The following DSPP variants were observed in gnomAD, a reference collection of about 807,000 sequenced individuals.
The protein encoded by DSPP is dentin sialophosphoprotein.
DSPP carries 28 observed loss-of-function variants against 29.1 expected under a neutral mutation model. That is an observed-to-expected ratio of 0.96 (90% CI 0.71 to 1.32). DSPP has a LOEUF of 1.32. Among genes scored for constraint, DSPP ranks in the 40% most tolerant of loss-of-function variants. The pLI, the probability that DSPP is intolerant of heterozygous loss-of-function variation, is 0.00. For synonymous variants in DSPP, 481 were observed against 503.4 expected (o/e 0.96, Z 0.60); for missense variants, 1,281 against 1,629.9 (o/e 0.79, Z 3.69).
chr4:87,610,627 T>C (rs1175124266), intron 1 of DSPP, among the ~76,000 whole-genome samples: 1 of 152,184 alleles, frequency 6.6e-6, no homozygotes, highest in Non-Finnish European at 1.5e-5. Context: ...GTTACAGCTA[T>C]GCCCTTTGTA....
At chr4:87,608,661 A>T (rs1171444516) in intron 1 of DSPP, 41 bp downstream of exon 1, 1 of 152,228 alleles carries the variant, frequency 6.6e-6, no homozygotes, top group Non-Finnish European at 1.5e-5. Flanking sequence ...CAACTGATTC[A>T]TTTAGAAAGA....
In DSPP at chr4:87,612,836, T is replaced by C; in HGVS notation, c.650T>C (p.Ile217Thr). The part of the protein sequence containing the change: ...EGNTSEITPQ[I>T]NSKRNGTKEA... The stretch of plus-strand genomic sequence containing the variant: ...AATACAAGTGAAATAACACCTCAGA[T>C]CAACAGCAAGAGAAATGGGACTAAG... The change falls in exon 4 of 5, where the codon ATC becomes ACC. Residue 217 changes from isoleucine (I) to threonine (T), a missense_variant. Physicochemically the swap from Ile to Thr is moderately conservative, Grantham distance 89. Transcript: ENST00000651931. The C allele has an allele frequency of 6.2e-7, 1 of 1,614,032 alleles. No individual in the cohort carries two copies. The highest frequency in any genetic ancestry group is 8.5e-7 in the Non-Finnish European group (1 of 1,179,994).
At position 87,614,494 on chromosome 4, in the gene DSPP, G is replaced by A. The variant is rs937580896; in HGVS notation, c.1832G>A (p.Ser611Asn). The A allele has an allele frequency of 6.4e-7, 1 of 1,551,716 alleles. No homozygotes were observed. The highest frequency in any genetic ancestry group is 8.7e-7 in the Non-Finnish European group (1 of 1,146,992). The change falls in exon 5 of 5, where the codon AGT becomes AAT. Residue 611 changes from serine to asparagine, a missense_variant. Ser to Asn is a conservative substitution (Grantham distance 46). Coordinates refer to ENST00000651931, the MANE Select transcript of DSPP (RefSeq NM_014208.3). ...SSDSSDSSDS[S>N]DSSDSSDSSD... ...GACAGTAGTGACAGCAGTGATAGCA[G>A]TGACAGTAGTGATAGTAGTGACAGC...
rs371567368 is a variant in DSPP, at chr4:87,614,000, T to C, written c.1338T>C (p.Asn446=). The part of the protein sequence containing the change: ...VGHSNTGSDS[N]SDGYDSYDFD... Reference sequence around the variant, plus strand: ...ACAGCAATACAGGTAGTGACAGCAATAGTGATGGATATGACAGTTATGATT... The same window carrying C: ...ACAGCAATACAGGTAGTGACAGCAACAGTGATGGATATGACAGTTATGATT... The change falls in exon 5 of 5, where the codon AAT becomes AAC. Residue 446 remains asparagine (N), a synonymous_variant. Transcript: ENST00000651931. 142 of 1,613,966 alleles carry C rather than the reference T, an allele frequency of 8.8e-5. No homozygotes were observed. The African/African-American group carries it at 1.7e-3, about 19-fold the overall frequency.
chr4:87,616,672 A>C lies in DSPP; in HGVS notation c.*104A>C. Reference sequence around the variant, plus strand: ...AAGAAAGGGGAGAAATAAACATAAGACGTATGTAAACAAAAACAACTGGGG... The same window carrying C: ...AAGAAAGGGGAGAAATAAACATAAGCCGTATGTAAACAAAAACAACTGGGG... On this transcript the variant is annotated 3_prime_UTR_variant, in exon 5 of 5. Transcript: ENST00000651931. 2.0e-6 allele frequency: 3 copies of C among 1,518,134 alleles called. No homozygotes were observed. Among genetic ancestry groups the C allele is most frequent in the Non-Finnish European group, 1.8e-6 (2 of 1,121,256 alleles). 94.0% of individuals were successfully genotyped at this position (1,518,134 alleles called of 1,614,324 possible).
chr4:87,613,418 C>A, intron 4 of DSPP, 110 bp downstream of exon 4: 1 of 1,330,600 alleles, frequency 7.5e-7, no homozygotes, highest in Non-Finnish European at 1.1e-6. Context: ...TTTTTGTATC[C>A]ATATTACTTG....
chr4:87,610,898 T>G lies in DSPP; in HGVS notation c.-11T>G, dbSNP rs749040560. 13 of 1,610,056 alleles carry G rather than the reference T, an allele frequency of 8.1e-6. No homozygotes were observed. The highest frequency in any genetic ancestry group is 1.0e-5 in the Non-Finnish European group (12 of 1,176,330). ...TTATACAGCCATTGATTATTATTAT[T>G]CCTAAAGAAAATGAAGATAATTACA... On this transcript the variant is annotated 5_prime_UTR_variant, in exon 2 of 5. In the 5' UTR this introduces an upstream ATG that the reference lacks. Coordinates refer to ENST00000651931, the MANE Select transcript of DSPP (RefSeq NM_014208.3).
intron 2 of DSPP, 51 bp downstream of exon 2, chr4:87,611,010 CT>C: frequency 6.7e-7 from 1 of 1,486,404 alleles, no homozygotes; most frequent in Non-Finnish European, 9.4e-7. Context: ...CTTTTTTAAC[CT>C]AACATTAATA....
In DSPP at chr4:87,612,507, G is replaced by A; in HGVS notation, c.321G>A (p.Glu107=). 6.2e-7 allele frequency: 1 copy of A among 1,614,048 alleles called. No homozygotes were observed. Among genetic ancestry groups the A allele is most frequent in the Non-Finnish European group, 8.5e-7 (1 of 1,179,976 alleles). Residue 107 remains glutamate (E), a synonymous_variant, in exon 4 of 5, where the codon GAG becomes GAA. Coordinates refer to ENST00000651931, the MANE Select transcript of DSPP (RefSeq NM_014208.3). The part of the protein sequence containing the change: ...STLANEEGNI[E]GWNGDTGKAE... ...TAGCAAACGAAGAGGGGAATATTGA[G>A]GGCTGGAATGGGGACACAGGAAAAG...
At position 87,612,513 on chromosome 4, in the gene DSPP, G is replaced by T; in HGVS notation, c.327G>T (p.Trp109Cys). The change falls in exon 4 of 5, where the codon TGG becomes TGT. Residue 109 changes from tryptophan to cysteine, a missense_variant. Trp to Cys is a radical substitution (Grantham distance 215). Around this residue, in one of 4 missense-constraint regions of DSPP, gnomAD observed 631 missense variants for 643.2 expected, o/e 0.98. Transcript: ENST00000651931. ...LANEEGNIEG[W>C]NGDTGKAETY... ...ACGAAGAGGGGAATATTGAGGGCTG[G>T]AATGGGGACACAGGAAAAGCAGAAA... The T allele has an allele frequency of 1.2e-6, 2 of 1,614,078 alleles. No individual in the cohort carries two copies. The highest frequency in any genetic ancestry group is 2.2e-5 in the South Asian group (2 of 91,070).
chr4:87,616,795 G>A lies in DSPP; in HGVS notation c.*227G>A, dbSNP rs181458661. 6.0e-6 allele frequency: 4 copies of A among 670,818 alleles called. No homozygotes were observed. In the African/African-American group the frequency reaches 7.3e-5, roughly 12 times the overall value. The allele number at this position is 670,818 out of a possible 1,614,324, so 41.6% of individuals were successfully genotyped here. A position where few individuals can be genotyped will look rare whatever the true frequency, so the allele number is the denominator to read the frequency against. On this transcript the variant is annotated 3_prime_UTR_variant, in exon 5 of 5. Coordinates refer to ENST00000651931, the MANE Select transcript of DSPP (RefSeq NM_014208.3). Reference sequence around the variant, plus strand: ...TTGGTACATGCCTGTTAATATTCATGTTCTGAAAATATTTTGTTAAAAGTG... The same window carrying A: ...TTGGTACATGCCTGTTAATATTCATATTCTGAAAATATTTTGTTAAAAGTG...
rs746337396 is a variant in DSPP at position 87,610,964 on chromosome 4, G to A, written c.51+5G>A. On this transcript the variant is annotated splice_donor_5th_base_variant and intron_variant, in intron 2 of 4. Transcript: ENST00000651931. ...GCAGTAGCATGGGCCATTCCAGTAA[G>A]TATGCCTTTCTTAGAAAACCTCTTC... 3.7e-6 allele frequency: 6 copies of A among 1,612,780 alleles called. No homozygotes were observed. The East Asian group carries it at 1.3e-4, about 36-fold the overall frequency.
In DSPP at chr4:87,610,749, C is replaced by T. The variant is rs28469148; in HGVS notation, c.-28-132C>T. ...CCACACCAGGTATGTTCTGGACCAT[C>T]GTATGTCTTCTCGTGTTAGATACAT... is the stretch of plus-strand genomic sequence containing the variant. On this transcript the variant is annotated intron_variant, in intron 1 of 4. Transcript: ENST00000651931. The T allele has an allele frequency of 1.7e-3, 1,102 of 663,018 alleles. 6 individuals carry two copies. The highest frequency in any genetic ancestry group is 0.016 in the African/African-American group (905 of 55,408). The allele number at this position is 663,018 out of a possible 1,614,324, so 41.1% of individuals were successfully genotyped here.
At chr4:87,612,073 C>T (rs1429957047) in intron 2 of DSPP, 32 bp from the exon 3 acceptor site, 2 of 1,601,422 alleles carry the variant, frequency 1.2e-6, no homozygotes, top group Non-Finnish European at 1.7e-6. Flanking sequence ...AAATAAGAAC[C>T]TTTTCAATAG....
rs1727719629 is a variant in DSPP, at chr4:87,610,858, T to A, written c.-28-23T>A. On this transcript the variant is annotated intron_variant, in intron 1 of 4. Coordinates refer to ENST00000651931, the MANE Select transcript of DSPP (RefSeq NM_014208.3). ...TTTCCCTTTACTTTATAAGTAATTT[T>A]GTGCTGTTCCTTTTTTATACAGCCA... 3 of 1,474,506 alleles carry A rather than the reference T, an allele frequency of 2.0e-6. No homozygotes were observed. In the African/African-American group the frequency reaches 4.2e-5, roughly 20 times the overall value. 91.3% of individuals were successfully genotyped at this position (1,474,506 alleles called of 1,614,324 possible).
chr4:87,615,227 C>A lies in DSPP; in HGVS notation c.2565C>A (p.Ser855Arg). Reference sequence around the variant, plus strand: ...GCAGTGACGGCAGTGATAGCGACAGCAGCAATAGAAGTGACAGTAGTAATA... The same window carrying A: ...GCAGTGACGGCAGTGATAGCGACAGAAGCAATAGAAGTGACAGTAGTAATA... ...SDSSDGSDSD[S>R]SNRSDSSNSS... The change falls in exon 5 of 5, where the codon AGC (serine) becomes AGA (arginine). Residue 855 changes from serine (S) to arginine (R), a missense_variant. Ser to Arg is a moderately radical substitution (Grantham distance 110). Transcript: ENST00000651931. 1 of 1,525,054 alleles carries A rather than the reference C, an allele frequency of 6.6e-7. No individual in the cohort carries two copies. The highest frequency in any genetic ancestry group is 8.8e-7 in the Non-Finnish European group (1 of 1,133,590). 94.5% of individuals were successfully genotyped at this position (1,525,054 alleles called of 1,614,324 possible). A position where few individuals can be genotyped will look rare whatever the true frequency, so the allele number is the denominator to read the frequency against.
Position 87,615,197 on chromosome 4 carries a change from C to T in DSPP, c.2535C>T (p.Ser845=), listed in dbSNP as rs367568852. 1.3e-3 allele frequency: 1,915 copies of T among 1,509,284 alleles called. 29 individuals are homozygous for T. In the South Asian group the frequency reaches 0.013, roughly 10 times the overall value. 93.5% of individuals were successfully genotyped at this position (1,509,284 alleles called of 1,614,324 possible). A position where few individuals can be genotyped will look rare whatever the true frequency, so the allele number is the denominator to read the frequency against. The change falls in exon 5 of 5, where the codon AGC becomes AGT. Residue 845 remains serine, a synonymous_variant. Coordinates refer to ENST00000651931, the MANE Select transcript of DSPP (RefSeq NM_014208.3). ...SSNSSDSSDS[S]DSSDGSDSDS... ...ACAGCAGTGATAGCAGCGACAGCAG[C>T]GATAGCAGTGACGGCAGTGATAGCG...
Position 87,615,989 on chromosome 4 carries a change from T to C in DSPP, c.3327T>C (p.Ser1109=), listed in dbSNP as rs765088892. 9.3e-3 allele frequency: 4,445 copies of C among 477,388 alleles called. 825 individuals carry two copies. The highest frequency in any genetic ancestry group is 0.044 in the East Asian group (622 of 14,166). 29.6% of individuals were successfully genotyped at this position (477,388 alleles called of 1,614,324 possible). The change falls in exon 5 of 5, where the codon AGT becomes AGC. Residue 1109 remains serine, a synonymous_variant. Coordinates refer to ENST00000651931, the MANE Select transcript of DSPP (RefSeq NM_014208.3). ...SSDSSDSSDS[S]DSSDSSDSSD... is the part of the protein sequence containing the mutation. Reference sequence around the variant, plus strand: ...ACAGCAGCGACAGCAGCGATAGCAGTGACAGCAGCGATAGCAGTGACAGCA... The same window carrying C: ...ACAGCAGCGACAGCAGCGATAGCAGCGACAGCAGCGATAGCAGTGACAGCA...
In DSPP at chr4:87,614,897, TAGC is replaced by T. The variant is rs1412448614; in HGVS notation, c.2238_2240del (p.Ser747del). 1.2e-5 allele frequency: 19 copies of T among 1,547,892 alleles called. No individual in the cohort carries two copies. The East Asian group carries it at 2.5e-4, about 20-fold the overall frequency. ...GCAGCAACAGCAGTGACAGCAGTGA[TAGC>T]AGTGACAGCAGCAACAGCAGTGACA... On this transcript the variant is annotated inframe_deletion, in exon 5 of 5. Transcript: ENST00000651931.
Sources: allele counts gnomAD v4.1 joint callset (sites outside exome capture counted in the v4.1 genomes callset), GRCh38; gene constraint gnomAD v4.1.1; regional missense constraint gnomAD v4.1.1; transcripts MANE v1.5; gene names NCBI Gene and HGNC (gene_info 2026-07-23, HGNC 2026-07-21).